The following PCNX3 variants were observed in gnomAD, a reference collection of about 807,000 sequenced individuals.
PCNX3 encodes the protein pecanex-like protein 3.
Under a neutral mutation model 207.2 loss-of-function variants are expected in PCNX3, and 58 were observed. The ratio of observed to expected loss-of-function variants is 0.28; its 90% CI spans 0.23 to 0.35. The LOEUF is 0.35. Among genes scored for constraint, PCNX3 ranks in the 10% least tolerant of loss-of-function variants. The pLI, the probability that PCNX3 is intolerant of heterozygous loss-of-function variation, is 1.00. For missense variants in PCNX3, 2,410 were observed against 2,774.4 expected (o/e 0.87, Z 2.95); for synonymous variants, 1,337 against 1,183.5 (o/e 1.13, Z -2.66).
chr11:65,630,544 T>G lies in PCNX3; in HGVS notation c.4410T>G (p.Asn1470Lys). The change falls in exon 27 of 35, where the codon AAT becomes AAG. Residue 1470 changes from asparagine to lysine, a missense_variant. Around this residue, in one of 8 missense-constraint regions of PCNX3, gnomAD observed 420 missense variants for 705.3 expected, o/e 0.60. Transcript: ENST00000355703. ...AGGGCTATAGCATTAGTGACAATAATGCTGCCTCCATGCTGCAGGTTTTCG... is the reference window on the plus strand; with the variant it reads ...AGGGCTATAGCATTAGTGACAATAAGGCTGCCTCCATGCTGCAGGTTTTCG... Reference protein sequence around the residue: ...VLEGYSISDNNAASMLQVFDL... With the variant: ...VLEGYSISDNKAASMLQVFDL... 6.2e-7 allele frequency: 1 copy of G among 1,613,518 alleles called. No individual in the cohort carries two copies. The highest frequency in any genetic ancestry group is 8.5e-7 in the Non-Finnish European group (1 of 1,179,794).
rs1329740524 is a variant in PCNX3, at chr11:65,618,104, G to A, written c.742G>A (p.Glu248Lys). ...SPLLKGSLSQ[E>K]LSKSFLTLTQ... The stretch of plus-strand genomic sequence containing the variant: ...CCTGCTGAAGGGGAGCCTCAGCCAG[G>A]AGCTGAGCAAGAGCTTCCTGACCCT... The change falls in exon 6 of 35, where the codon GAG becomes AAG. Residue 248 changes from glutamate to lysine, a missense_variant. Physicochemically the swap from Glu to Lys is moderately conservative, Grantham distance 56. Coordinates refer to ENST00000355703, the MANE Select transcript of PCNX3 (RefSeq NM_032223.4). The A allele has an allele frequency of 6.2e-7, 1 of 1,610,642 alleles. No homozygotes were observed. The highest frequency in any genetic ancestry group is 8.5e-7 in the Non-Finnish European group (1 of 1,178,948).
intron 11 of PCNX3, 128 bp downstream of exon 11, chr11:65,622,494 G>A (rs900550000): frequency 3.3e-6 from 4 of 1,217,208 alleles, no homozygotes; most frequent in East Asian, 5.3e-5. Context: ...AGGGCCTGTC[G>A]TTGGCTGGAG....
rs377460305 is a variant in PCNX3, at chr11:65,636,926, T to C, written c.6053T>C (p.Ile2018Thr). 25 of 1,563,108 alleles carry C rather than the reference T, an allele frequency of 1.6e-5. No individual in the cohort carries two copies. Among genetic ancestry groups the C allele is most frequent in the Non-Finnish European group, 1.8e-5 (21 of 1,154,184 alleles). ...MGALGDWPAP[I>T]EERESPAAQP... ...GCCCTGGGCGACTGGCCTGCCCCTATTGAGGAGCGTGAGAGCCCGGCAGCC... is the reference window on the plus strand; with the variant it reads ...GCCCTGGGCGACTGGCCTGCCCCTACTGAGGAGCGTGAGAGCCCGGCAGCC... Residue 2018 changes from isoleucine (I) to threonine (T), a missense_variant, in exon 35 of 35, where the codon ATT becomes ACT. Ile to Thr is a moderately conservative substitution (Grantham distance 89). Around this residue, in one of 8 missense-constraint regions of PCNX3, gnomAD observed 278 missense variants for 245.1 expected, o/e 1.13. Coordinates refer to ENST00000355703, the MANE Select transcript of PCNX3 (RefSeq NM_032223.4).
Position 65,618,523 on chromosome 11 carries a change from C to T in PCNX3, c.1161C>T (p.Ala387=), listed in dbSNP as rs781103984. 100 of 1,611,000 alleles carry T rather than the reference C, an allele frequency of 6.2e-5. 3 individuals carry two copies. The South Asian group carries it at 1.0e-3, about 16-fold the overall frequency. ...TGGTCGTGCGGCCCAAGGACTTGGC[C>T]CTGCTACGGCCTAGCAAACGGCAGC... The part of the protein sequence containing the change: ...PLLVVRPKDL[A]LLRPSKRQPP... The change falls in exon 6 of 35, where the codon GCC becomes GCT. Residue 387 remains alanine (A), a synonymous_variant. Coordinates refer to ENST00000355703, the MANE Select transcript of PCNX3 (RefSeq NM_032223.4).
rs754931153 is a variant in PCNX3, at chr11:65,619,797, C to T, written c.1873C>T (p.Arg625Trp). 8.2e-6 allele frequency: 13 copies of T among 1,588,548 alleles called. No individual in the cohort carries two copies. The highest frequency in any genetic ancestry group is 2.7e-5 in the African/African-American group (2 of 74,674). Residue 625 changes from arginine to tryptophan, a missense_variant, in exon 8 of 35, where the codon CGG becomes TGG. Physicochemically the swap from Arg to Trp is moderately radical, Grantham distance 101. Around this residue, in one of 8 missense-constraint regions of PCNX3, gnomAD observed 1,104 missense variants for 970.3 expected, o/e 1.14. Transcript: ENST00000355703. ...GCGGGGCCGGGCTGCCTCCCACTCC[C>T]GGGCGCTGACGCTGCCCTCTGCGCT... ...AQRGRAASHS[R>W]ALTLPSALHF...
rs1373171949 is a variant in PCNX3 at position 65,619,048 on chromosome 11, G to A, written c.1686G>A (p.Glu562=). The A allele has an allele frequency of 6.3e-7, 1 of 1,591,972 alleles. No homozygotes were observed. The highest frequency in any genetic ancestry group is 8.5e-7 in the Non-Finnish European group (1 of 1,177,028). ...NQPGWRGELQ[E]EGAVGGAAEE... is the part of the protein sequence containing the mutation. The stretch of plus-strand genomic sequence containing the variant: ...CCGGCTGGCGGGGGGAGCTGCAGGA[G>A]GAAGGTGCTGTGGGGGGAGGTGAGT... The change falls in exon 6 of 35, where the codon GAG becomes GAA. Residue 562 remains glutamate (E), a synonymous_variant. Transcript: ENST00000355703.
At chr11:65,634,859 G>A in intron 29 of PCNX3, 114 bp from the exon 30 acceptor site, 1 of 1,404,838 alleles carries the variant, frequency 7.1e-7, no homozygotes, top group Non-Finnish European at 9.6e-7. Context: ...TCTTTGTCAA[G>A]ATGGGGAAAC....
At chr11:65,624,864 C>T in intron 15 of PCNX3, 61 bp from the exon 16 acceptor site, 1 of 1,500,686 alleles carries the variant, frequency 6.7e-7, no homozygotes, top group Non-Finnish European at 9.1e-7. Context: ...GGAAGCGCGG[C>T]TAGGGTTGAG....
chr11:65,636,271 C>A lies in PCNX3; in HGVS notation c.5557C>A (p.Pro1853Thr), dbSNP rs756934167. Reference sequence around the variant, plus strand: ...TGGCCTGACCTCCCTCAGCAATAACCCCCCCGTGGCACACCCCACACCTGA... The same window carrying A: ...TGGCCTGACCTCCCTCAGCAATAACACCCCCGTGGCACACCCCACACCTGA... ...GGGLTSLSNN[P>T]PVAHPTPENT... Residue 1853 changes from proline (P) to threonine (T), a missense_variant, in exon 33 of 35, where the codon CCC becomes ACC. By Grantham distance (38) the Pro-to-Thr change is conservative. This residue lies in a region of PCNX3 where 278 missense variants were observed against 245.1 expected (regional missense o/e 1.13). Transcript: ENST00000355703. 7.5e-6 allele frequency: 12 copies of A among 1,600,618 alleles called. No homozygotes were observed. In the African/African-American group the frequency reaches 1.5e-4, roughly 20 times the overall value.
At position 65,616,231 on chromosome 11, in the gene PCNX3, C is replaced by CT; in HGVS notation, c.-81_-80insT. On this transcript the variant is annotated 5_prime_UTR_variant, in exon 1 of 35. Coordinates refer to ENST00000355703, the MANE Select transcript of PCNX3 (RefSeq NM_032223.4). The stretch of plus-strand genomic sequence containing the variant: ...GCGTGAGGCCGGGCCCCGGGGCCCT[C>CT]AGGCGCCAGACGGGGCATGGGCCGG... The CT allele has an allele frequency of 8.2e-7, 1 of 1,216,602 alleles. No individual in the cohort carries two copies. The highest frequency in any genetic ancestry group is 1.6e-5 in the African/African-American group (1 of 62,228). 75.4% of individuals were successfully genotyped at this position (1,216,602 alleles called of 1,614,324 possible).
intron 15 of PCNX3, 41 bp from the exon 16 acceptor site, chr11:65,624,884 C>G (rs1020692309): frequency 8.3e-6 from 13 of 1,567,958 alleles, no homozygotes; most frequent in Non-Finnish European, 1.0e-5. Flanking sequence ...GGTGGGGTAC[C>G]TGCAAGTGAG....
At chr11:65,626,598 C>T (rs755456022) in intron 20 of PCNX3, 31 of 472,662 alleles carry the variant, frequency 6.6e-5, no homozygotes, top group Admixed American at 1.4e-4. Flanking sequence ...AGCTCACGGG[C>T]TCACTGTGCA....
At chr11:65,626,354 C>G (rs1290544747) in intron 20 of PCNX3, 1 of 585,648 alleles carries the variant, frequency 1.7e-6, no homozygotes, top group Non-Finnish European at 3.2e-6. Context: ...ATCTCTTGTC[C>G]AGAATTAAAC....
Position 65,616,812 on chromosome 11 carries a change from T to C in PCNX3, c.154-12T>C, listed in dbSNP as rs1240748108. 2.5e-6 allele frequency: 4 copies of C among 1,606,090 alleles called. No homozygotes were observed. Among genetic ancestry groups the C allele is most frequent in the Non-Finnish European group, 3.4e-6 (4 of 1,173,828 alleles). On this transcript the variant is annotated splice_polypyrimidine_tract_variant and intron_variant, in intron 1 of 34. Transcript: ENST00000355703. ...CTTTGTGAAAAGGGACCTGGCTTAC[T>C]TTCATCTTCAGGTCCTGCCTCCCAG...
At chr11:65,628,769 T>TGTG in intron 23 of PCNX3, 50 bp from the exon 24 acceptor site, 1 of 299,598 alleles carries the variant, frequency 3.3e-6, no homozygotes, top group Admixed American at 4.9e-5. Flanking sequence ...TGGGGGGTGG[T>TGTG]GGGGGGCTGG....
chr11:65,629,789 G>T, intron 26 of PCNX3, 54 bp downstream of exon 26: 1 of 1,528,498 alleles, frequency 6.5e-7, no homozygotes, highest in African/African-American at 1.4e-5. Flanking sequence ...CCTGATGTGG[G>T]AGCTGTGTTC....
rs1220793931 is a variant in PCNX3, at chr11:65,635,693, G to T, written c.5349G>T (p.Val1783=). 2.5e-6 allele frequency: 4 copies of T among 1,611,514 alleles called. No homozygotes were observed. Among genetic ancestry groups the T allele is most frequent in the Non-Finnish European group, 3.4e-6 (4 of 1,179,152 alleles). ...CDQPLGYPIY[V]SPLTTSLAGS... ...AGCCGCTGGGCTACCCCATCTACGT[G>T]TCGCCTCTCACCACCTCGCTGGCTG... Residue 1783 remains valine, a synonymous_variant, in exon 32 of 35, where the codon GTG becomes GTT. Transcript: ENST00000355703. This position sits in a 1 kb window ranked among gnomAD's most constrained non-coding sequence, Gnocchi z 9.9.
intron 22 of PCNX3, 96 bp from the exon 23 acceptor site, chr11:65,628,499 G>C: frequency 1.6e-6 from 2 of 1,213,102 alleles, no homozygotes; most frequent in Non-Finnish European, 2.4e-6. Context: ...GGCCAAGCCA[G>C]TGCGATGACC....
intron 6 of PCNX3, 188 bp from the exon 7 acceptor site, chr11:65,619,349 C>T (rs920013681): frequency 2.6e-4 from 211 of 799,848 alleles, no homozygotes; most frequent in Non-Finnish European, 3.0e-4. Flanking sequence ...GGGGCAGGGC[C>T]GATCAGTGTC....
Sources: gnomAD v4.1 joint callset for allele counts on GRCh38, gnomAD v4.1.1 for gene constraint, gnomAD v4.1.1 regional missense constraint, Gnocchi (gnomAD v3.1) non-coding constraint, MANE v1.5 for transcripts, NCBI Gene and HGNC (gene_info 2026-07-23, HGNC 2026-07-21) for gene names.